WWOX: variants seen among roughly 807,000 people sequenced by gnomAD.
WWOX encodes the protein WW domain containing oxidoreductase.
WWOX carries 69 observed loss-of-function variants against 46.2 expected under a neutral mutation model. The ratio of observed to expected loss-of-function variants is 1.49; its 90% CI spans 1.23 to 1.82. WWOX has a LOEUF of 1.82. Among genes scored for constraint, WWOX ranks in the 40% most tolerant of loss-of-function variants. The pLI is 0.00. For missense variants in WWOX, 919 were observed against 542.6 expected (o/e 1.69, Z -6.89); for synonymous variants, 359 against 202.6 (o/e 1.77, Z -6.56).
intron 8 of WWOX, among the ~76,000 whole-genome samples, chr16:78,498,584 A>C (rs183078825): frequency 6.6e-6 from 1 of 152,190 alleles, no homozygotes; most frequent in East Asian, 1.9e-4. Context: ...TGAGCAACAC[A>C]CAAGGATTGG....
intron 8 of WWOX, among the ~76,000 whole-genome samples, chr16:79,172,328 C>T (rs770336151): frequency 2.0e-5 from 3 of 152,154 alleles, no homozygotes; most frequent in Non-Finnish European, 2.9e-5. Context: ...GCAGGAAGCG[C>T]GGACTTCAGA....
At chr16:79,116,662 G>C (rs1182163919) in intron 8 of WWOX, among the ~76,000 whole-genome samples, 1 of 152,112 alleles carries the variant, frequency 6.6e-6, no homozygotes, top group Admixed American at 6.5e-5. Context: ...AGGGGCTCAA[G>C]ACTTACTTCC....
chr16:79,012,769 A>G (rs1471427838), intron 8 of WWOX, among the ~76,000 whole-genome samples: 4 of 152,238 alleles, frequency 2.6e-5, no homozygotes, highest in African/African-American at 4.8e-5. Flanking sequence ...CAGCCCCTGA[A>G]ACACAGCAGG....
chr16:78,828,685 G>A (rs1307060622), intron 8 of WWOX, among the ~76,000 whole-genome samples: 1 of 152,074 alleles, frequency 6.6e-6, no homozygotes, highest in Non-Finnish European at 1.5e-5. Flanking sequence ...TTATGTGTGT[G>A]CCAATTATGT....
chr16:78,319,130 G>T (rs1282033050), intron 5 of WWOX, among the ~76,000 whole-genome samples: 3 of 152,100 alleles, frequency 2.0e-5, no homozygotes, highest in African/African-American at 2.4e-5. Context: ...ATGGCAGCAT[G>T]AGAAGGACAC....
chr16:79,180,895 A>G (rs930427784), intron 8 of WWOX, among the ~76,000 whole-genome samples: 3 of 152,126 alleles, frequency 2.0e-5, no homozygotes, highest in Non-Finnish European at 2.9e-5. Context: ...CTTAATAATA[A>G]CCACTGCTAC....
rs922510456 is a variant in WWOX at position 78,884,295 on chromosome 16, A to G, written c.1057-327313A>G. On this transcript the variant is annotated intron_variant, in intron 8 of 8. Coordinates refer to ENST00000566780, the MANE Select transcript of WWOX (RefSeq NM_016373.4). Reference sequence around the variant, plus strand: ...CTCCAAAAAAAAAAAAAAAAAAAACAAAAGACCATTTTTAAGACTATGACT... The same window carrying G: ...CTCCAAAAAAAAAAAAAAAAAAAACGAAAGACCATTTTTAAGACTATGACT... Among the ~76,000 whole-genome samples, 4 of 52,228 alleles carry G rather than the reference A, an allele frequency of 7.7e-5. No homozygotes were observed. The South Asian group carries it at 2.5e-3, about 32-fold the overall frequency. 34.3% of individuals were successfully genotyped at this position (52,228 alleles called of 152,430 possible).
rs1352944036 is a variant in WWOX at position 78,431,631 on chromosome 16, G to C, written c.792-857G>C. On this transcript the variant is annotated intron_variant, in intron 7 of 8. Transcript: ENST00000566780. ...AGAGGGTGGGGAGAGAGTTCAGTAT[G>C]TCAGGACTGCTACATTTATGAGTGT... Among the ~76,000 whole-genome samples, 4 of 151,280 alleles carry C rather than the reference G, an allele frequency of 2.6e-5. No individual in the cohort carries two copies. The East Asian group carries it at 7.8e-4, about 29-fold the overall frequency.
intron 8 of WWOX, among the ~76,000 whole-genome samples, chr16:78,521,930 C>T (rs1396957450): frequency 1.3e-5 from 2 of 152,050 alleles, no homozygotes; most frequent in South Asian, 2.1e-4. Flanking sequence ...TTTTTGGGTA[C>T]TGGAGATGGG....
intron 8 of WWOX, among the ~76,000 whole-genome samples, chr16:79,127,299 A>C (rs1301238670): frequency 1.3e-5 from 2 of 152,094 alleles, no homozygotes; most frequent in African/African-American, 2.4e-5. Flanking sequence ...TTCCTGGTGC[A>C]TCCTTCTAGA....
At chr16:78,377,091 G>T (rs2081848842) in intron 5 of WWOX, among the ~76,000 whole-genome samples, 1 of 152,230 alleles carries the variant, frequency 6.6e-6, no homozygotes, top group Admixed American at 6.5e-5. Flanking sequence ...CCCGAAGTGG[G>T]AAGTTCCAGT....
At chr16:79,165,739 C>T (rs952269394) in intron 8 of WWOX, among the ~76,000 whole-genome samples, 15 of 152,182 alleles carry the variant, frequency 9.9e-5, no homozygotes, top group Admixed American at 8.5e-4. Context: ...GGGTGAAAAG[C>T]ACAGGCCAAG....
At chr16:78,385,405 A>G (rs1382245702) in intron 5 of WWOX, among the ~76,000 whole-genome samples, 1 of 152,196 alleles carries the variant, frequency 6.6e-6, no homozygotes, top group Admixed American at 6.5e-5. Context: ...TCCAGACAGG[A>G]TGTTAGGAAC....
At chr16:78,726,756 G>C (rs946289980) in intron 8 of WWOX, among the ~76,000 whole-genome samples, 2 of 151,628 alleles carry the variant, frequency 1.3e-5, no homozygotes, top group African/African-American at 4.8e-5. Context: ...TGCTGTGGTT[G>C]AATTTCCCTC....
chr16:78,319,469 C>G (rs545901087), intron 5 of WWOX, among the ~76,000 whole-genome samples: 2 of 151,990 alleles, frequency 1.3e-5, no homozygotes, highest in African/African-American at 4.8e-5. Context: ...ATCATGTTGC[C>G]CAGGCTGGTC....
chr16:79,069,878 T>C (rs1023318186), intron 8 of WWOX, among the ~76,000 whole-genome samples: 1 of 152,162 alleles, frequency 6.6e-6, no homozygotes, highest in African/African-American at 2.4e-5. Context: ...ATTGACTCAT[T>C]GAAAAACACC....
At chr16:78,881,029 G>C (rs2044332870) in intron 8 of WWOX, among the ~76,000 whole-genome samples, 2 of 121,022 alleles carry the variant, frequency 1.7e-5, no homozygotes, top group Non-Finnish European at 3.2e-5. Flanking sequence ...GTCTCGCCCT[G>C]TTGCCAGGCT....
chr16:78,859,305 C>T (rs183025113), intron 8 of WWOX, among the ~76,000 whole-genome samples: 5 of 151,574 alleles, frequency 3.3e-5, no homozygotes, highest in Admixed American at 2.0e-4. Flanking sequence ...ATTTTTCCCC[C>T]CTGCTGAATT....
At chr16:78,697,054 C>T (rs2048116137) in intron 8 of WWOX, among the ~76,000 whole-genome samples, 2 of 152,102 alleles carry the variant, frequency 1.3e-5, no homozygotes. Context: ...TTTCTTTATC[C>T]ACTTGTTGGT....
Sources: allele counts gnomAD v4.1 joint callset (sites outside exome capture counted in the v4.1 genomes callset), GRCh38; gene constraint gnomAD v4.1.1; transcripts MANE v1.5; gene names NCBI Gene and HGNC (gene_info 2026-07-23, HGNC 2026-07-21).